ARSG: variants seen among roughly 807,000 people sequenced by gnomAD.
The protein encoded by ARSG is ASG.
In ARSG, 37 loss-of-function variants were observed where a neutral mutation model predicts 50.5. The observed-to-expected ratio is 0.73, with a 90% CI of 0.56 to 0.96. ARSG has a LOEUF of 0.96. ARSG is among the 50% of genes least tolerant of loss of function. The probability of loss-of-function intolerance (pLI) is 0.00; values close to 1 mark genes in which losing one functional copy is unlikely to be tolerated. For synonymous variants in ARSG, 225 were observed against 254.6 expected (o/e 0.88, Z 1.11); for missense variants, 629 against 675.3 (o/e 0.93, Z 0.76).
intron 1 of ARSG, among the ~76,000 whole-genome samples, chr17:68,286,321 G>T (rs2075841065): frequency 6.6e-6 from 1 of 152,160 alleles, no homozygotes; most frequent in South Asian, 2.1e-4. Context: ...TAGAATTATT[G>T]AATGTTAAAG....
intron 1 of ARSG, among the ~76,000 whole-genome samples, chr17:68,303,284 G>A (rs1403045281): frequency 6.6e-6 from 1 of 151,880 alleles, no homozygotes; most frequent in Admixed American, 6.6e-5. Flanking sequence ...ACCACCATGC[G>A]TGGCTAATTT....
intron 2 of ARSG, among the ~76,000 whole-genome samples, chr17:68,314,781 T>C (rs1555767949): frequency 6.6e-6 from 1 of 152,230 alleles, no homozygotes; most frequent in Non-Finnish European, 1.5e-5. Flanking sequence ...TAGGGTTCTA[T>C]GTTAGCTATG....
chr17:68,341,846 C>G (rs913607987), intron 2 of ARSG, among the ~76,000 whole-genome samples: 1 of 151,824 alleles, frequency 6.6e-6, no homozygotes, highest in Non-Finnish European at 1.5e-5. Context: ...TTGATACAGA[C>G]TCTTGCTCTG....
At chr17:68,450,913 G>C in the ARSG span, 1 of 1,607,974 alleles carries the variant, frequency 6.2e-7, no homozygotes, top group Non-Finnish European at 8.5e-7. Context: ...AGGAAAAGCA[G>C]CCGGGAGGTT....
rs58937538 is a variant in ARSG at position 68,280,179 on chromosome 17, CA to C, written c.-552+20774del. ...CCTGGGCAATAGAGCAACTCTGTCT[CA>C]AAAAAAAAAAAAAAAAAAAAGAATT... On this transcript the variant is annotated intron_variant, in intron 1 of 11. Transcript: ENST00000448504. 5.9e-3 allele frequency among the ~76,000 whole-genome samples: 521 copies of C among 87,574 alleles called. 3 individuals carry two copies. The highest frequency in any genetic ancestry group is 0.015 in the African/African-American group (371 of 24,418). 57.5% of individuals were successfully genotyped at this position (87,574 alleles called of 152,430 possible). A position where few individuals can be genotyped will look rare whatever the true frequency, so the allele number is the denominator to read the frequency against.
chr17:68,397,218 T>C (rs1250124620), intron 10 of ARSG, among the ~76,000 whole-genome samples: 2 of 152,104 alleles, frequency 1.3e-5, no homozygotes, highest in Non-Finnish European at 2.9e-5. Flanking sequence ...GAAAACCAGA[T>C]ACAAGTCACA....
chr17:68,316,686 G>A (rs576431912), intron 2 of ARSG, among the ~76,000 whole-genome samples: 7 of 152,282 alleles, frequency 4.6e-5, no homozygotes, highest in South Asian at 2.1e-4. Flanking sequence ...ACAGGGCTAT[G>A]GTGAGGAGGA....
chr17:68,396,524 G>A (rs1017350903), intron 10 of ARSG, among the ~76,000 whole-genome samples: 13 of 152,172 alleles, frequency 8.5e-5, no homozygotes, highest in Non-Finnish European at 1.5e-4. Context: ...GCAAGGAGGC[G>A]GAAGGAGCAC....
chr17:68,361,653 C>T (rs2079293993), intron 6 of ARSG, among the ~76,000 whole-genome samples: 1 of 152,140 alleles, frequency 6.6e-6, no homozygotes, highest in African/African-American at 2.4e-5. Context: ...GTGGCTCACG[C>T]CTGTAATCCC....
intron 2 of ARSG, among the ~76,000 whole-genome samples, chr17:68,328,375 A>G (rs2077588331): frequency 6.6e-6 from 1 of 152,182 alleles, no homozygotes; most frequent in Non-Finnish European, 1.5e-5. Context: ...CATTTTGCAG[A>G]AGAAGATAAC....
Position 68,282,779 on chromosome 17 carries a change from T to TAAAAAAAAAAA in ARSG, c.-552+23364_-552+23374dup, listed in dbSNP as rs36155626. Among the ~76,000 whole-genome samples, 61 of 53,396 alleles carry TAAAAAAAAAAA rather than the reference T, an allele frequency of 1.1e-3. 5 individuals carry two copies. The highest frequency in any genetic ancestry group is 5.0e-3 in the Admixed American group (21 of 4,224). 35.0% of individuals were successfully genotyped at this position (53,396 alleles called of 152,430 possible). A position where few individuals can be genotyped will look rare whatever the true frequency, so the allele number is the denominator to read the frequency against. On this transcript the variant is annotated intron_variant, in intron 1 of 11. Coordinates refer to the ARSG transcript ENST00000448504. ...CAACATAGTGAAACCCCATCTCTAC[T>TAAAAAAAAAAA]AAAAAAAAAAAAAAAAAAAAAGGCC...
chr17:68,342,649 C>T (rs117904280), intron 2 of ARSG, among the ~76,000 whole-genome samples: 2,311 of 152,238 alleles, frequency 0.015, 22 homozygotes, highest in Non-Finnish European at 0.024. Flanking sequence ...CGTGAGCCAC[C>T]GCACCTGGTC....
intron 2 of ARSG, among the ~76,000 whole-genome samples, chr17:68,325,856 A>G (rs544585585): frequency 6.6e-6 from 1 of 152,358 alleles, no homozygotes; most frequent in South Asian, 2.1e-4. Flanking sequence ...AATTCACAAT[A>G]GCCCTGCTTG....
intron 1 of ARSG, among the ~76,000 whole-genome samples, chr17:68,262,268 G>A (rs1175419424): frequency 6.6e-6 from 1 of 151,756 alleles, no homozygotes; most frequent in Non-Finnish European, 1.5e-5. Flanking sequence ...TCAGGAGATC[G>A]AGACCATCCT....
chr17:68,387,704 T>C (rs1163340745), intron 9 of ARSG, among the ~76,000 whole-genome samples: 5 of 152,220 alleles, frequency 3.3e-5, no homozygotes. Flanking sequence ...CCAGACTGCA[T>C]ATCACCTACT....
chr17:68,356,256 A>C (rs898372883), intron 5 of ARSG, among the ~76,000 whole-genome samples: 1 of 152,218 alleles, frequency 6.6e-6, no homozygotes, highest in African/African-American at 2.4e-5. Flanking sequence ...GAAAACGCTG[A>C]GTTGCACGCC....
intron 8 of ARSG, among the ~76,000 whole-genome samples, chr17:68,371,039 G>T (rs2079812899): frequency 6.6e-6 from 1 of 152,190 alleles, no homozygotes; most frequent in Non-Finnish European, 1.5e-5. Context: ...AGAGAGGCTA[G>T]GCCGGGCGCG....
chr17:68,442,498 T>C, the ARSG span, among the ~76,000 whole-genome samples: 3 of 151,182 alleles, frequency 2.0e-5, no homozygotes, highest in Non-Finnish European at 4.4e-5. Flanking sequence ...AAACATCTGT[T>C]TGCAAGGGAG....
At chr17:68,385,905 G>A (rs2080700745) in intron 9 of ARSG, among the ~76,000 whole-genome samples, 3 of 152,132 alleles carry the variant, frequency 2.0e-5, no homozygotes, top group South Asian at 2.1e-4. Context: ...CCCTGGAGGA[G>A]GGTGGAGAAG....
Sources: allele counts gnomAD v4.1 joint callset (sites outside exome capture counted in the v4.1 genomes callset), GRCh38; gene constraint gnomAD v4.1.1; transcripts MANE v1.5; gene names NCBI Gene and HGNC (gene_info 2026-07-23, HGNC 2026-07-21).